PHTF2: variants seen among roughly 807,000 people sequenced by gnomAD.
PHTF2 encodes putative homeodomain transcription factor 2.
PHTF2 carries 60 observed loss-of-function variants against 101.2 expected under a neutral mutation model. The ratio of observed to expected loss-of-function variants is 0.59; its 90% CI spans 0.48 to 0.73. The LOEUF (loss-of-function observed/expected upper bound fraction) is 0.73. Among genes scored for constraint, PHTF2 ranks in the 30% least tolerant of loss-of-function variants. PHTF2 has a pLI of 0.00. For synonymous variants in PHTF2, 311 were observed against 307.3 expected, an observed-to-expected ratio of 1.01 and a Z score of -0.13; for missense variants, 747 against 908.7, an observed-to-expected ratio of 0.82 and a Z score of 2.29.
intron 1 of PHTF2, among the ~76,000 whole-genome samples, chr7:77,810,639 G>A (rs1380956961): frequency 6.6e-6 from 1 of 152,156 alleles, no homozygotes. Context: ...CCTGGTTCAA[G>A]TGATTCTCCT....
intron 3 of PHTF2, among the ~76,000 whole-genome samples, chr7:77,889,720 A>C (rs935580010): frequency 6.6e-6 from 1 of 150,828 alleles, no homozygotes; most frequent in Non-Finnish European, 1.5e-5. Flanking sequence ...CCTCCTGAGT[A>C]GTGGGGACTA....
chr7:77,850,641 CAAA>C (rs545263519), intron 2 of PHTF2, among the ~76,000 whole-genome samples: 10 of 52,762 alleles, frequency 1.9e-4, no homozygotes, highest in Admixed American at 6.1e-4. Flanking sequence ...GACCCTGTCT[CAAA>C]AAAAAAAAAA....
At chr7:77,944,500 C>A (rs1221786038) in intron 16 of PHTF2, among the ~76,000 whole-genome samples, 3 of 152,192 alleles carry the variant, frequency 2.0e-5, no homozygotes, top group East Asian at 3.8e-4. Flanking sequence ...TGTCCTGTAA[C>A]CCTCATGTCA....
chr7:77,907,724 A>G (rs1802000218), intron 7 of PHTF2: 1 of 152,236 alleles, frequency 6.6e-6, no homozygotes, highest in Non-Finnish European at 1.5e-5. Context: ...AGTAAATTAT[A>G]TACATTGAGA....
chr7:77,814,166 C>T (rs1793657528), intron 1 of PHTF2, among the ~76,000 whole-genome samples: 1 of 152,124 alleles, frequency 6.6e-6, no homozygotes. Context: ...ACAGCAAATT[C>T]TCATTGTTCA....
intron 9 of PHTF2, among the ~76,000 whole-genome samples, chr7:77,915,902 A>C (rs183260897): frequency 2.3e-4 from 35 of 152,274 alleles, no homozygotes; most frequent in Admixed American, 1.9e-3. Flanking sequence ...TGATCTAAGA[A>C]AATAGCATTA....
intron 9 of PHTF2, among the ~76,000 whole-genome samples, chr7:77,915,685 A>C (rs1302882391): frequency 1.3e-5 from 2 of 151,908 alleles, no homozygotes; most frequent in Admixed American, 6.6e-5. Flanking sequence ...GGAGGCCACC[A>C]CTCTCGGGCC....
intron 5 of PHTF2, among the ~76,000 whole-genome samples, chr7:77,895,419 T>C (rs973065400): frequency 6.6e-6 from 1 of 150,852 alleles, no homozygotes; most frequent in East Asian, 2.0e-4. Context: ...TGAAGAAGAG[T>C]TGGGATAGTC....
At chr7:77,864,930 G>A (rs1389689154) in intron 3 of PHTF2, among the ~76,000 whole-genome samples, 1 of 152,028 alleles carries the variant, frequency 6.6e-6, no homozygotes, top group Non-Finnish European at 1.5e-5. Flanking sequence ...GTTTCCACCT[G>A]TTGGAGTTAT....
At chr7:77,811,714 CTA>C (rs2150489327) in intron 1 of PHTF2, among the ~76,000 whole-genome samples, 1 of 152,280 alleles carries the variant, frequency 6.6e-6, no homozygotes, top group South Asian at 2.1e-4. Context: ...TCATCTGGTA[CTA>C]TCTCTGTGCC....
intron 2 of PHTF2, among the ~76,000 whole-genome samples, chr7:77,854,325 T>C (rs1796995321): frequency 6.6e-6 from 1 of 152,194 alleles, no homozygotes; most frequent in African/African-American, 2.4e-5. Flanking sequence ...TCTGCTGAGC[T>C]GCCTGGAGCT....
chr7:77,853,432 T>G (rs1360257694), intron 2 of PHTF2, among the ~76,000 whole-genome samples: 1 of 151,890 alleles, frequency 6.6e-6, no homozygotes, highest in Non-Finnish European at 1.5e-5. Context: ...CTTGCTCTGT[T>G]GCCCAGGCTG....
intron 7 of PHTF2, among the ~76,000 whole-genome samples, chr7:77,903,455 A>G (rs1801574895): frequency 1.3e-5 from 2 of 152,248 alleles, no homozygotes; most frequent in African/African-American, 4.8e-5. Flanking sequence ...GTGCTTTTTA[A>G]GATATTGCTG....
chr7:77,947,919 G>A (rs552397192), intron 16 of PHTF2, among the ~76,000 whole-genome samples: 3 of 131,004 alleles, frequency 2.3e-5, no homozygotes, highest in South Asian at 2.6e-4. Context: ...GCTCACTGTA[G>A]CCTCTGCCTC....
At chr7:77,942,845 TAATA>T (rs1805740287) in intron 16 of PHTF2, 59 bp downstream of exon 15, 4 of 785,520 alleles carry the variant, frequency 5.1e-6, no homozygotes, top group South Asian at 3.8e-5. Context: ...ACTTTCAGAT[TAATA>T]AATAATCAAA....
intron 2 of PHTF2, chr7:77,854,692 A>G: frequency 4.3e-6 from 3 of 701,646 alleles, no homozygotes; most frequent in South Asian, 3.0e-5. Flanking sequence ...AAGCCACAAG[A>G]CAAAGTTTTT....
At chr7:77,890,952 AG>A (rs1176275234) in intron 3 of PHTF2, among the ~76,000 whole-genome samples, 2 of 117,080 alleles carry the variant, frequency 1.7e-5, no homozygotes, top group Non-Finnish European at 3.3e-5. Flanking sequence ...TCTGTCACCC[AG>A]GCAGAGTACA....
chr7:77,931,810 T>C lies in PHTF2; in HGVS notation c.1338+2483T>C, dbSNP rs758695952. On this transcript the variant is annotated intron_variant, in intron 12 of 19. Coordinates refer to ENST00000416283, the Ensembl canonical transcript of PHTF2. Reference sequence around the variant, plus strand: ...AGTGGAATTAATAAATAATGTTGTATGATAAAACAGTATACAGCAGTGAAA... The same window carrying C: ...AGTGGAATTAATAAATAATGTTGTACGATAAAACAGTATACAGCAGTGAAA... Among the ~76,000 whole-genome samples, 68 of 152,326 alleles carry C rather than the reference T, an allele frequency of 4.5e-4. 1 individual carries two copies. In the Middle Eastern group the frequency reaches 0.01, roughly 23 times the overall value.
intron 3 of PHTF2, among the ~76,000 whole-genome samples, chr7:77,871,595 C>A (rs1300163161): frequency 6.6e-6 from 1 of 152,216 alleles, no homozygotes; most frequent in East Asian, 1.9e-4. Flanking sequence ...ATTCCTGAAC[C>A]TGTGAATCCT....
Sources: gnomAD v4.1 joint callset for allele counts (sites outside exome capture counted in the v4.1 genomes callset) on GRCh38, gnomAD v4.1.1 for gene constraint, MANE v1.5 for transcripts, NCBI Gene and HGNC (gene_info 2026-07-23, HGNC 2026-07-21) for gene names.